Variants in FRY observed in about 807,000 individuals in gnomAD.
FRY encodes protein furry homolog.
A neutral mutation model predicts 348.4 loss-of-function variants in FRY; 128 were observed. The observed-to-expected ratio is 0.37, with a 90% CI of 0.32 to 0.43. FRY has a LOEUF of 0.43. FRY is among the 20% of genes least tolerant of loss of function. The pLI, the probability that FRY is intolerant of heterozygous loss-of-function variation, is 1.00. For missense variants in FRY, 2,736 were observed against 3,695.2 expected, an observed-to-expected ratio of 0.74 and a Z score of 6.73; for synonymous variants, 1,370 against 1,374.7, an observed-to-expected ratio of 1.00 and a Z score of 0.08.
At chr13:32,039,925 T>C (rs1450669078) in intron 1 of FRY, among the ~76,000 whole-genome samples, 5 of 152,238 alleles carry the variant, frequency 3.3e-5, no homozygotes, top group African/African-American at 1.2e-4. Flanking sequence ...GCTTCTGCTG[T>C]TCTTAATCAA....
At chr13:32,265,355 C>T (rs963543581) in intron 53 of FRY, 95 bp from the exon 54 acceptor site, 1 of 1,178,156 alleles carries the variant, frequency 8.5e-7, no homozygotes, top group Non-Finnish European at 1.3e-6. Flanking sequence ...TCACCATCAG[C>T]ATTTCAGTCT....
chr13:32,041,056 A>G (rs1872726201), intron 1 of FRY, among the ~76,000 whole-genome samples: 1 of 152,232 alleles, frequency 6.6e-6, no homozygotes, highest in Non-Finnish European at 1.5e-5. Context: ...GCCTATGAAC[A>G]TAGCAGACTG....
intron 49 of FRY, among the ~76,000 whole-genome samples, chr13:32,250,983 A>C (rs1464599598): frequency 6.6e-6 from 1 of 152,238 alleles, no homozygotes; most frequent in Admixed American, 6.5e-5. Context: ...GACCTTGAGC[A>C]GACACCATAT....
intron 53 of FRY, among the ~76,000 whole-genome samples, chr13:32,262,977 C>T (rs535287284): frequency 3.9e-5 from 6 of 152,294 alleles, no homozygotes; most frequent in South Asian, 2.1e-4. Flanking sequence ...ATGCCAGATT[C>T]GCACAAAACT....
intron 3 of FRY, among the ~76,000 whole-genome samples, chr13:32,102,973 T>A (rs572925575): frequency 1.4e-4 from 21 of 152,368 alleles, no homozygotes; most frequent in African/African-American, 5.0e-4. Flanking sequence ...GCTTTGAAAC[T>A]GCCTTTAATA....
intron 11 of FRY, among the ~76,000 whole-genome samples, chr13:32,144,224 A>G (rs190539062): frequency 6.6e-6 from 1 of 151,810 alleles, no homozygotes; most frequent in African/African-American, 2.4e-5. Flanking sequence ...AACAAACAAA[A>G]AAAAAAACTT....
At chr13:32,230,297 A>T (rs1885836987) in intron 40 of FRY, among the ~76,000 whole-genome samples, 1 of 152,076 alleles carries the variant, frequency 6.6e-6, no homozygotes, top group Admixed American at 6.6e-5. Flanking sequence ...TTCAGCTCCC[A>T]CTTATAAGTG....
chr13:32,170,274 G>A (rs1218323763), intron 17 of FRY, among the ~76,000 whole-genome samples: 1 of 152,200 alleles, frequency 6.6e-6, no homozygotes, highest in East Asian at 1.9e-4. Flanking sequence ...ATTAAAAAGT[G>A]TTCATATACA....
intron 1 of FRY, among the ~76,000 whole-genome samples, chr13:32,065,943 A>T (rs2138466475): frequency 6.6e-6 from 1 of 152,244 alleles, no homozygotes; most frequent in East Asian, 1.9e-4. Flanking sequence ...TCAAATATAG[A>T]CATCATTTCA....
chr13:32,290,070 CAT>C (rs1264215553), intron 59 of FRY, among the ~76,000 whole-genome samples: 4 of 152,120 alleles, frequency 2.6e-5, no homozygotes, highest in African/African-American at 9.7e-5. Context: ...GAAAACTTTC[CAT>C]GTGTGTGGGT....
At chr13:32,146,149 T>C (rs1880430614) in intron 11 of FRY, among the ~76,000 whole-genome samples, 1 of 147,914 alleles carries the variant, frequency 6.8e-6, no homozygotes, top group African/African-American at 2.5e-5. Flanking sequence ...CCATGTGCTC[T>C]TGCCTCTGCC....
rs536371350 is a variant in FRY at position 32,186,625 on chromosome 13, G to A, written c.3480+205G>A. ...TTTCTTCTCATATTTCTCCTGTATG[G>A]GAACCATATATTTTTGCTCATTTAC... On this transcript the variant is annotated intron_variant, in intron 27 of 60. Coordinates refer to ENST00000542859, the MANE Select transcript of FRY (RefSeq NM_023037.3). Among the ~76,000 whole-genome samples the A allele has an allele frequency of 4.5e-4, 69 of 151,990 alleles. 1 individual carries two copies. Among genetic ancestry groups the A allele is most frequent in the African/African-American group, 1.6e-3 (68 of 41,456 alleles).
intron 49 of FRY, 64 bp downstream of exon 49, chr13:32,249,751 G>C (rs1886983486): frequency 7.2e-7 from 1 of 1,388,008 alleles, no homozygotes; most frequent in Non-Finnish European, 1.0e-6. Context: ...CCATGTGGCT[G>C]GGTCATAAGG....
Position 32,061,164 on chromosome 13 carries a change from G to A in FRY, c.71-17670G>A, listed in dbSNP as rs772716851. 45 of 533,256 alleles carry A rather than the reference G, an allele frequency of 8.4e-5. 1 individual carries two copies. Among genetic ancestry groups the A allele is most frequent in the Non-Finnish European group, 3.8e-6 (1 of 259,904 alleles). The allele number at this position is 533,256 out of a possible 1,614,324, so 33.0% of individuals were successfully genotyped here. On this transcript the variant is annotated intron_variant, in intron 1 of 60. Transcript: ENST00000542859. ...GTGATCAGCTTCATAAAAGGGCTTG[G>A]TAGGTATGAAAGGCTGTTAATATGT...
At chr13:32,287,797 G>T in intron 58 of FRY, 1 of 825,000 alleles carries the variant, frequency 1.2e-6, no homozygotes. Context: ...CGTGCTTTCT[G>T]TTGCATGCAG....
At chr13:32,212,110 C>G (rs1884721585) in intron 34 of FRY, among the ~76,000 whole-genome samples, 182 bp from the exon 35 acceptor site, 1 of 152,174 alleles carries the variant, frequency 6.6e-6, no homozygotes, top group Non-Finnish European at 1.5e-5. Context: ...CTACGATTCT[C>G]TCATTTCAGT....
intron 7 of FRY, among the ~76,000 whole-genome samples, chr13:32,129,072 C>CTG (rs1259297845): frequency 6.6e-6 from 1 of 152,136 alleles, no homozygotes. Flanking sequence ...ATGGTCTTCT[C>CTG]TGTGTGTGTG....
chr13:32,071,762 A>G (rs1874674039), intron 1 of FRY, among the ~76,000 whole-genome samples: 1 of 152,164 alleles, frequency 6.6e-6, no homozygotes, highest in Admixed American at 6.5e-5. Context: ...CAGTGGATAT[A>G]AAGTTTTAGT....
intron 26 of FRY, among the ~76,000 whole-genome samples, chr13:32,185,368 G>A (rs568307484): frequency 1.3e-5 from 2 of 152,312 alleles, no homozygotes; most frequent in East Asian, 3.9e-4. Context: ...GGCTTTGTGT[G>A]TGTCATTTCT....
Sources: gnomAD v4.1 joint callset for allele counts (sites outside exome capture counted in the v4.1 genomes callset) on GRCh38, gnomAD v4.1.1 for gene constraint, MANE v1.5 for transcripts, NCBI Gene and HGNC (gene_info 2026-07-23, HGNC 2026-07-21) for gene names.